The following DPYSL3 variants were observed in gnomAD, a reference collection of about 807,000 sequenced individuals.
The protein encoded by DPYSL3 is dihydropyrimidinase-related protein 3.
In DPYSL3, 16 loss-of-function variants were observed where a neutral mutation model predicts 66.1. That is an observed-to-expected ratio of 0.24 (90% CI 0.16 to 0.37). The LOEUF is 0.37. DPYSL3 is among the 10% of genes least tolerant of loss of function. DPYSL3 has a pLI of 1.00. For missense variants in DPYSL3, 738 were observed against 916.2 expected (o/e 0.81, Z 2.51); for synonymous variants, 338 against 345.1 (o/e 0.98, Z 0.23).
intron 1 of DPYSL3, among the ~76,000 whole-genome samples, chr5:147,482,104 A>C (rs1753255663): frequency 6.6e-6 from 1 of 152,230 alleles, no homozygotes; most frequent in Non-Finnish European, 1.5e-5. Flanking sequence ...TGATCCAGAT[A>C]AAGAGCAGTC....
At chr5:147,440,237 A>G (rs554030488) in intron 1 of DPYSL3, among the ~76,000 whole-genome samples, 9 of 152,300 alleles carry the variant, frequency 5.9e-5, no homozygotes, top group African/African-American at 1.9e-4. Context: ...TGGGAGGCGG[A>G]GCTTGCAGTG....
intron 1 of DPYSL3, chr5:147,454,237 GC>G (rs957759691): frequency 1.3e-5 from 2 of 152,190 alleles, no homozygotes; most frequent in African/African-American, 4.8e-5. Context: ...GCTCTCCTCT[GC>G]CATGGCGCGG....
At chr5:147,404,617 C>G (rs908866168) in intron 8 of DPYSL3, among the ~76,000 whole-genome samples, 1 of 152,198 alleles carries the variant, frequency 6.6e-6, no homozygotes, top group Non-Finnish European at 1.5e-5. Flanking sequence ...TCGTCCCTTA[C>G]CCAGCCTCAC....
intron 1 of DPYSL3, among the ~76,000 whole-genome samples, chr5:147,484,292 C>T (rs759910287): frequency 1.4e-4 from 22 of 152,188 alleles, no homozygotes; most frequent in Non-Finnish European, 2.4e-4. Context: ...AGGGCTTTTC[C>T]CCTTCATAGC....
At chr5:147,493,979 G>A (rs977317328) in intron 1 of DPYSL3, among the ~76,000 whole-genome samples, 1 of 151,974 alleles carries the variant, frequency 6.6e-6, no homozygotes, top group Non-Finnish European at 1.5e-5. Context: ...GATCACTTGA[G>A]CTCAGGAGTT....
intron 1 of DPYSL3, among the ~76,000 whole-genome samples, chr5:147,498,871 T>G (rs1470382337): frequency 1.3e-5 from 2 of 152,074 alleles, no homozygotes; most frequent in African/African-American, 4.8e-5. Context: ...TTCTGTAGAT[T>G]GTCTGTTTCC....
chr5:147,468,804 C>T (rs1195436937), intron 1 of DPYSL3, among the ~76,000 whole-genome samples: 1 of 151,918 alleles, frequency 6.6e-6, no homozygotes, highest in African/African-American at 2.4e-5. Flanking sequence ...ATACATGTGC[C>T]ATGTTGGTGT....
chr5:147,404,783 G>A (rs1420637868), intron 8 of DPYSL3, among the ~76,000 whole-genome samples: 1 of 152,176 alleles, frequency 6.6e-6, no homozygotes, highest in Non-Finnish European at 1.5e-5. Context: ...ACACAGCCAG[G>A]GTCATGAAGG....
rs1489617765 is a variant in DPYSL3 at position 147,393,919 on chromosome 5, T to C, written c.*116A>G. ...GGAGAAACATAAGGCTTGAGGCTTA[T>C]TGATTCTTTAGATCACAACCGTTTG... On this transcript the variant is annotated 3_prime_UTR_variant, in exon 14 of 14. Transcript: ENST00000343218. 5 of 1,031,158 alleles carry C rather than the reference T, an allele frequency of 4.8e-6. No individual in the cohort carries two copies. The highest frequency in any genetic ancestry group is 7.3e-6 in the Non-Finnish European group (5 of 685,800). The allele number at this position is 1,031,158 out of a possible 1,614,324, so 63.9% of individuals were successfully genotyped here.
chr5:147,494,270 A>G (rs1463183021), intron 1 of DPYSL3, among the ~76,000 whole-genome samples: 2 of 152,200 alleles, frequency 1.3e-5, no homozygotes, highest in Non-Finnish European at 2.9e-5. Context: ...AGAAATATCT[A>G]AAATCAGTAA....
chr5:147,425,582 G>A (rs1752179989), intron 1 of DPYSL3, among the ~76,000 whole-genome samples: 1 of 152,026 alleles, frequency 6.6e-6, no homozygotes, highest in East Asian at 1.9e-4. Context: ...AAATTATGCA[G>A]GATTTATATT....
At chr5:147,470,802 C>T (rs1561799108) in intron 1 of DPYSL3, among the ~76,000 whole-genome samples, 1 of 152,162 alleles carries the variant, frequency 6.6e-6, no homozygotes, top group Non-Finnish European at 1.5e-5. Flanking sequence ...AAACTCCAAA[C>T]AATCCTTTAA....
chr5:147,439,818 C>G (rs967970547), intron 1 of DPYSL3, among the ~76,000 whole-genome samples: 2 of 152,130 alleles, frequency 1.3e-5, no homozygotes, highest in South Asian at 2.1e-4. Flanking sequence ...AGCTGGGACT[C>G]GATCCCAGTA....
At chr5:147,472,292 G>A (rs976572113) in intron 1 of DPYSL3, among the ~76,000 whole-genome samples, 1 of 152,174 alleles carries the variant, frequency 6.6e-6, no homozygotes, top group East Asian at 1.9e-4. Flanking sequence ...GAAAGAGATG[G>A]CTAAGTGCTG....
intron 1 of DPYSL3, among the ~76,000 whole-genome samples, chr5:147,503,695 T>A (rs1259550404): frequency 6.6e-6 from 1 of 152,114 alleles, no homozygotes; most frequent in Non-Finnish European, 1.5e-5. Flanking sequence ...GCCCAAAAAA[T>A]TTTCGTTTAA....
At chr5:147,492,848 T>C (rs549439563) in intron 1 of DPYSL3, among the ~76,000 whole-genome samples, 1 of 152,174 alleles carries the variant, frequency 6.6e-6, no homozygotes, top group East Asian at 1.9e-4. Context: ...GTAACAATAA[T>C]CACCTTACTT....
chr5:147,405,868 A>G, intron 7 of DPYSL3, 138 bp from the exon 8 acceptor site: 2 of 1,112,904 alleles, frequency 1.8e-6, no homozygotes, highest in South Asian at 3.4e-5. Context: ...TAGATAGCCT[A>G]TATCCACATC....
chr5:147,493,442 G>A (rs549502866), intron 1 of DPYSL3, among the ~76,000 whole-genome samples: 1 of 152,244 alleles, frequency 6.6e-6, no homozygotes, highest in South Asian at 2.1e-4. Flanking sequence ...ATGTGCTGGT[G>A]CACACGTGTG....
At chr5:147,495,119 C>A (rs1561805889) in intron 1 of DPYSL3, among the ~76,000 whole-genome samples, 1 of 152,048 alleles carries the variant, frequency 6.6e-6, no homozygotes, top group East Asian at 1.9e-4. Flanking sequence ...CGAATTCTAC[C>A]AAATATTTAG....
Sources: allele counts gnomAD v4.1 joint callset (sites outside exome capture counted in the v4.1 genomes callset), GRCh38; gene constraint gnomAD v4.1.1; transcripts MANE v1.5; gene names NCBI Gene and HGNC (gene_info 2026-07-23, HGNC 2026-07-21).